RBMS3: variants seen among roughly 807,000 people sequenced by gnomAD.
The protein encoded by RBMS3 is RNA binding motif single stranded interacting protein 3.
RBMS3 carries 27 observed loss-of-function variants against 66.8 expected under a neutral mutation model. The observed-to-expected ratio is 0.40, with a 90% CI of 0.30 to 0.56. RBMS3 has a LOEUF of 0.56. Ranked by LOEUF, RBMS3 falls within the 20% of genes least tolerant of loss-of-function variation. The pLI, the probability that RBMS3 is intolerant of heterozygous loss-of-function variation, is 0.40. For missense variants in RBMS3, 513 were observed against 549.5 expected (o/e 0.93, Z 0.66); for synonymous variants, 188 against 183.0 (o/e 1.03, Z -0.22).
intron 1 of RBMS3, among the ~76,000 whole-genome samples, chr3:29,408,958 C>T (rs537849026): frequency 1.3e-5 from 2 of 152,248 alleles, no homozygotes; most frequent in Admixed American, 1.3e-4. Flanking sequence ...GATGCTTGCA[C>T]ACTTTATTTT....
intron 4 of RBMS3, among the ~76,000 whole-genome samples, chr3:29,699,909 T>C (rs7620682): frequency 0.12 from 18,310 of 152,088 alleles, 2,388 homozygotes; most frequent in African/African-American, 0.32. Context: ...TATCCTTGGA[T>C]GAAACCTCAA....
intron 3 of RBMS3, among the ~76,000 whole-genome samples, chr3:29,514,665 A>ATATATATATG (rs1553614292): frequency 7.0e-6 from 1 of 143,802 alleles, no homozygotes; most frequent in African/African-American, 2.6e-5. Flanking sequence ...ATATATATAT[A>ATATATATATG]TATATATATA....
chr3:29,819,926 G>A (rs2058027747), intron 6 of RBMS3, among the ~76,000 whole-genome samples: 1 of 152,024 alleles, frequency 6.6e-6, no homozygotes, highest in Non-Finnish European at 1.5e-5. Flanking sequence ...CAGGTGCAGT[G>A]GCCCATTTCT....
chr3:29,715,163 T>G (rs2053338375), intron 4 of RBMS3, among the ~76,000 whole-genome samples: 1 of 152,134 alleles, frequency 6.6e-6, no homozygotes, highest in Admixed American at 6.5e-5. Flanking sequence ...TAAAATAATT[T>G]CCTCCAGTCA....
At chr3:29,485,589 A>G (rs1186460847) in intron 2 of RBMS3, among the ~76,000 whole-genome samples, 1 of 152,162 alleles carries the variant, frequency 6.6e-6, no homozygotes, top group Non-Finnish European at 1.5e-5. Flanking sequence ...GAGAAGGCCC[A>G]CATAGAAAGA....
At chr3:29,370,559 A>G (rs2038147098) in intron 1 of RBMS3, among the ~76,000 whole-genome samples, 1 of 152,222 alleles carries the variant, frequency 6.6e-6, no homozygotes, top group Non-Finnish European at 1.5e-5. Context: ...AACCTGGCTC[A>G]TCCACTTGTG....
At chr3:29,589,206 C>G (rs2047639827) in intron 4 of RBMS3, among the ~76,000 whole-genome samples, 1 of 152,058 alleles carries the variant, frequency 6.6e-6, no homozygotes, top group Non-Finnish European at 1.5e-5. Context: ...CTGAGAATCC[C>G]TCTTTCTCTC....
At chr3:29,350,198 A>AT (rs1339023606) in intron 1 of RBMS3, among the ~76,000 whole-genome samples, 7 of 151,820 alleles carry the variant, frequency 4.6e-5, no homozygotes, top group African/African-American at 1.7e-4. Context: ...CATTTTGAAC[A>AT]TTTTTGAAAG....
At chr3:29,887,882 T>C (rs985266495) in intron 8 of RBMS3, among the ~76,000 whole-genome samples, 7 of 151,826 alleles carry the variant, frequency 4.6e-5, no homozygotes, top group African/African-American at 1.4e-4. Flanking sequence ...TCACCCTTAA[T>C]TGTTACAAAT....
At chr3:29,517,335 T>G (rs1244366970) in intron 3 of RBMS3, among the ~76,000 whole-genome samples, 1 of 150,186 alleles carries the variant, frequency 6.7e-6, no homozygotes, top group Non-Finnish European at 1.5e-5. Context: ...TTTTTGTTTT[T>G]TTTTTGAAAC....
At chr3:29,295,800 A>G (rs1278862602) in intron 1 of RBMS3, among the ~76,000 whole-genome samples, 1 of 151,754 alleles carries the variant, frequency 6.6e-6, no homozygotes, top group African/African-American at 2.4e-5. Flanking sequence ...GCCAATATGA[A>G]TAATTCTAAA....
intron 1 of RBMS3, among the ~76,000 whole-genome samples, chr3:29,302,811 G>A (rs2033771266): frequency 6.6e-6 from 1 of 151,892 alleles, no homozygotes; most frequent in Non-Finnish European, 1.5e-5. Flanking sequence ...TCTGGTCTGG[G>A]GGAGAAAATG....
chr3:29,496,887 C>G (rs952369463), intron 3 of RBMS3, among the ~76,000 whole-genome samples: 1 of 152,274 alleles, frequency 6.6e-6, no homozygotes, highest in African/African-American at 2.4e-5. Flanking sequence ...AAATTATCCA[C>G]TAACATGAAA....
intron 14 of RBMS3, 48 bp downstream of exon 14, chr3:29,991,257 G>GACATCACTCTCTCATGTT: frequency 6.2e-7 from 1 of 1,612,626 alleles, no homozygotes; most frequent in South Asian, 1.1e-5. Flanking sequence ...CAGCCATCTT[G>GACATCACTCTCTCATGTT]ACATCACTCT....
chr3:29,529,029 C>T (rs561618394), intron 3 of RBMS3, among the ~76,000 whole-genome samples: 1 of 152,190 alleles, frequency 6.6e-6, no homozygotes, highest in Non-Finnish European at 1.5e-5. Context: ...CAGGCATAAG[C>T]CACTGTGCCA....
chr3:29,808,808 GCGTAGGAT>G (rs1242069898), intron 6 of RBMS3, among the ~76,000 whole-genome samples: 1 of 151,840 alleles, frequency 6.6e-6, no homozygotes, highest in Non-Finnish European at 1.5e-5. Context: ...CCTTAGAAAT[GCGTAGGAT>G]CTGTCCATTG....
At chr3:29,372,159 C>A (rs553943379) in intron 1 of RBMS3, among the ~76,000 whole-genome samples, 1 of 152,216 alleles carries the variant, frequency 6.6e-6, no homozygotes, top group East Asian at 1.9e-4. Flanking sequence ...GAAACCCTGT[C>A]TCTACTAAAC....
At chr3:29,848,161 C>T (rs540795223) in intron 6 of RBMS3, among the ~76,000 whole-genome samples, 2 of 152,276 alleles carry the variant, frequency 1.3e-5, no homozygotes, top group South Asian at 2.1e-4. Flanking sequence ...GGTAGCAGTG[C>T]TCACAGAAGT....
intron 1 of RBMS3, among the ~76,000 whole-genome samples, chr3:29,316,297 CT>C (rs2125478680): frequency 6.6e-6 from 1 of 151,686 alleles, no homozygotes; most frequent in Admixed American, 6.6e-5. Flanking sequence ...TTTGATCTGA[CT>C]TTTTGTTTGT....
Sources: gnomAD v4.1 joint callset for allele counts (sites outside exome capture counted in the v4.1 genomes callset) on GRCh38, gnomAD v4.1.1 for gene constraint, MANE v1.5 for transcripts, NCBI Gene and HGNC (gene_info 2026-07-23, HGNC 2026-07-21) for gene names.